Variants in KPNA1 observed in about 807,000 individuals in gnomAD.
KPNA1 encodes the protein importin subunit alpha-5.
Under a neutral mutation model 70.5 loss-of-function variants are expected in KPNA1, and 10 were observed. The observed-to-expected ratio is 0.14, with a 90% CI of 0.09 to 0.24. KPNA1 has a LOEUF of 0.24. Ranked by LOEUF, KPNA1 falls within the 10% of genes least tolerant of loss-of-function variation. KPNA1 has a pLI of 1.00. For synonymous variants in KPNA1, 192 were observed against 221.9 expected, an observed-to-expected ratio of 0.87 and a Z score of 1.20; for missense variants, 397 against 637.9, an observed-to-expected ratio of 0.62 and a Z score of 4.07.
At chr3:122,496,714 C>CT in intron 1 of KPNA1, 144 bp from the exon 2 acceptor site, 1 of 660,400 alleles carries the variant, frequency 1.5e-6, no homozygotes, top group Non-Finnish European at 2.5e-6. Context: ...CCACTCCTGT[C>CT]TTTTTTGAGA....
Position 122,432,462 on chromosome 3 carries a change from A to C in KPNA1, c.1250+1199T>G, listed in dbSNP as rs1361996559. ...TTACTATTTTTATTTTTTAATTCCA[A>C]ACAGAACACTCAAAACTAGCATCTG... On this transcript the variant is annotated intron_variant, in intron 12 of 13. Transcript: ENST00000344337. 3.3e-5 allele frequency: 5 copies of C among 152,178 alleles called. No homozygotes were observed. The East Asian group carries it at 9.6e-4, about 29-fold the overall frequency. The allele number at this position is 152,178 out of a possible 1,614,324, so 9.4% of individuals were successfully genotyped here. A position where few individuals can be genotyped will look rare whatever the true frequency, so the allele number is the denominator to read the frequency against.
intron 2 of KPNA1, among the ~76,000 whole-genome samples, chr3:122,477,151 T>C (rs529292360): frequency 6.6e-6 from 1 of 152,242 alleles, no homozygotes; most frequent in African/African-American, 2.4e-5. Context: ...GAGGATATTA[T>C]GTTAAGGCAA....
At chr3:122,502,872 C>CT (rs1291972600) in intron 1 of KPNA1, among the ~76,000 whole-genome samples, 1 of 152,094 alleles carries the variant, frequency 6.6e-6, no homozygotes, top group African/African-American at 2.4e-5. Context: ...ATTCCCAGCA[C>CT]TTTGGGAGGC....
chr3:122,452,502 GA>G (rs2076213337), intron 6 of KPNA1, among the ~76,000 whole-genome samples: 1 of 59,648 alleles, frequency 1.7e-5, no homozygotes, highest in South Asian at 8.5e-4. Flanking sequence ...GGGACAGACG[GA>G]AGGAGGGAAG....
chr3:122,431,285 C>A (rs780694472), intron 12 of KPNA1, among the ~76,000 whole-genome samples: 6 of 152,158 alleles, frequency 3.9e-5, no homozygotes, highest in Non-Finnish European at 8.8e-5. Flanking sequence ...CCCACCTCAG[C>A]CTCCCAAGTA....
intron 12 of KPNA1, among the ~76,000 whole-genome samples, chr3:122,429,120 A>C (rs1315845731): frequency 6.6e-6 from 1 of 152,196 alleles, no homozygotes; most frequent in Non-Finnish European, 1.5e-5. Context: ...GATGCAAAAA[A>C]GCATTTAACA....
At chr3:122,481,944 GA>G (rs1474373310) in intron 2 of KPNA1, among the ~76,000 whole-genome samples, 2 of 152,080 alleles carry the variant, frequency 1.3e-5, no homozygotes, top group Non-Finnish European at 2.9e-5. Context: ...AGGTTTTAAA[GA>G]AACTCTCCTA....
intron 2 of KPNA1, 117 bp downstream of exon 2, chr3:122,496,316 GAAAA>G: frequency 2.8e-6 from 1 of 359,722 alleles, no homozygotes; most frequent in Non-Finnish European, 4.5e-6. Flanking sequence ...GGGAGAAGGG[GAAAA>G]CACACACACA....
At chr3:122,432,380 T>G (rs1323231908) in intron 12 of KPNA1, 1 of 152,254 alleles carries the variant, frequency 6.6e-6, no homozygotes, top group Non-Finnish European at 1.5e-5. Context: ...GTTTGTAATT[T>G]TATTCTTTCA....
chr3:122,508,948 T>C (rs2076921748), intron 1 of KPNA1, among the ~76,000 whole-genome samples: 1 of 151,982 alleles, frequency 6.6e-6, no homozygotes, highest in East Asian at 1.9e-4. Flanking sequence ...AAATATACTA[T>C]AAAATAAGAA....
At chr3:122,433,557 G>A (rs1018724075) in intron 12 of KPNA1, 104 bp downstream of exon 12, 7 of 907,718 alleles carry the variant, frequency 7.7e-6, no homozygotes, top group Non-Finnish European at 1.1e-5. Flanking sequence ...TCCCCTCAAA[G>A]GCAGCTAATC....
chr3:122,510,812 G>A (rs1023545925), intron 1 of KPNA1, among the ~76,000 whole-genome samples: 1 of 152,106 alleles, frequency 6.6e-6, no homozygotes, highest in Non-Finnish European at 1.5e-5. Flanking sequence ...GCTGGGACAG[G>A]GAACAGCTGC....
At chr3:122,433,383 G>T (rs891421338) in intron 12 of KPNA1, 3 of 288,630 alleles carry the variant, frequency 1.0e-5, no homozygotes, top group African/African-American at 6.5e-5. Context: ...ATTGCCTCAA[G>T]CCTCGACTAT....
intron 12 of KPNA1, among the ~76,000 whole-genome samples, chr3:122,431,880 T>C (rs1321710909): frequency 6.6e-6 from 1 of 151,890 alleles, no homozygotes; most frequent in African/African-American, 2.4e-5. Context: ...CTCAGCTCAC[T>C]GCAACCTCTG....
intron 5 of KPNA1, among the ~76,000 whole-genome samples, chr3:122,457,178 AC>A (rs1430666653): frequency 6.6e-6 from 1 of 152,222 alleles, no homozygotes; most frequent in African/African-American, 2.4e-5. Flanking sequence ...CATAGTCTGT[AC>A]TTTAAAGCTG....
At chr3:122,431,479 A>C (rs2075907037) in intron 12 of KPNA1, among the ~76,000 whole-genome samples, 1 of 152,190 alleles carries the variant, frequency 6.6e-6, no homozygotes, top group South Asian at 2.1e-4. Flanking sequence ...AAAATATTCT[A>C]ATTGTTTCTT....
At chr3:122,466,430 G>T (rs560141102) in intron 3 of KPNA1, among the ~76,000 whole-genome samples, 6 of 151,702 alleles carry the variant, frequency 4.0e-5, no homozygotes, top group African/African-American at 1.5e-4. Flanking sequence ...GTACCTTTTA[G>T]GAGATAATTT....
In KPNA1 at chr3:122,442,574, T is replaced by C. The variant is rs369324899; in HGVS notation, c.918-458A>G. On this transcript the variant is annotated intron_variant, in intron 9 of 13. Transcript: ENST00000344337. ...TGAAAATGCAAGTCAGGAGTCACAC[T>C]CTAAATACAAAGGTCTTTCAACTAA... Among the ~76,000 whole-genome samples, 8 of 152,198 alleles carry C rather than the reference T, an allele frequency of 5.3e-5. No homozygotes were observed. The East Asian group carries it at 7.7e-4, about 15-fold the overall frequency.
At chr3:122,445,271 T>G (rs188445633) in intron 9 of KPNA1, among the ~76,000 whole-genome samples, 1 of 152,152 alleles carries the variant, frequency 6.6e-6, no homozygotes, top group East Asian at 1.9e-4. Context: ...CAAGCTTCAA[T>G]AGCCGATTCA....
Sources: allele counts gnomAD v4.1 joint callset (sites outside exome capture counted in the v4.1 genomes callset), GRCh38; gene constraint gnomAD v4.1.1; transcripts MANE v1.5; gene names NCBI Gene and HGNC (gene_info 2026-07-23, HGNC 2026-07-21).